GLB1L2: variants seen among roughly 807,000 people sequenced by gnomAD.
The protein encoded by GLB1L2 is beta-galactosidase-1-like protein 2.
In GLB1L2, 68 loss-of-function variants were observed where a neutral mutation model predicts 84.1. The ratio of observed to expected loss-of-function variants is 0.81; its 90% CI spans 0.67 to 0.99. The LOEUF is 0.99. Ranked by LOEUF, GLB1L2 falls within the 50% of genes least tolerant of loss-of-function variation. GLB1L2 has a pLI of 0.00. For synonymous variants in GLB1L2, 290 were observed against 318.0 expected (o/e 0.91, Z 0.94); for missense variants, 762 against 805.6 (o/e 0.95, Z 0.66).
Position 134,347,855 on chromosome 11 carries a change from A to G in GLB1L2, c.558+422A>G, listed in dbSNP as rs370780774. Among the ~76,000 whole-genome samples the G allele has an allele frequency of 3.3e-4, 51 of 152,320 alleles. 1 individual carries two copies. The highest frequency in any genetic ancestry group is 1.1e-3 in the African/African-American group (44 of 41,572). ...CACAGGGTGGAGCACATGTGGATTA[A>G]CCTTTGCCTATAAGACTGCAGGACT... On this transcript the variant is annotated intron_variant, in intron 5 of 18. Transcript: ENST00000535456.
At chr11:134,337,932 A>C (rs1943410518) in intron 1 of GLB1L2, among the ~76,000 whole-genome samples, 1 of 152,208 alleles carries the variant, frequency 6.6e-6, no homozygotes, top group African/African-American at 2.4e-5. Context: ...TCAGATGAAC[A>C]AGTATGTGAA....
At chr11:134,332,177 G>C in intron 1 of GLB1L2, 30 bp downstream of exon 1, 4 of 1,447,432 alleles carry the variant, frequency 2.8e-6, no homozygotes, top group Non-Finnish European at 3.7e-6. Flanking sequence ...AGCACCTGCC[G>C]GACCCCACAT....
At position 134,370,564 on chromosome 11, in the gene GLB1L2, T is replaced by C. The variant is rs545043439; in HGVS notation, c.1215+165T>C. 2.0e-4 allele frequency among the ~76,000 whole-genome samples: 31 copies of C among 152,108 alleles called. No individual in the cohort carries two copies. The highest frequency in any genetic ancestry group is 1.8e-3 in the Admixed American group (28 of 15,290). On this transcript the variant is annotated intron_variant, in intron 12 of 18. Transcript: ENST00000535456. This position sits in a 1 kb window ranked among gnomAD's most constrained non-coding sequence, Gnocchi z 4.7. Reference sequence around the variant, plus strand: ...GTGTGGGGGGAGGCAGGCCAGTGCCTGGTGGCTCTGGGGTCTGCTCTCCGG... The same window carrying C: ...GTGTGGGGGGAGGCAGGCCAGTGCCCGGTGGCTCTGGGGTCTGCTCTCCGG...
In GLB1L2 at chr11:134,342,792, A is replaced by G. The variant is rs1943487409; in HGVS notation, c.125A>G (p.His42Arg). The G allele has an allele frequency of 6.2e-7, 1 of 1,614,010 alleles. No individual in the cohort carries two copies. Among genetic ancestry groups the G allele is most frequent in the Non-Finnish European group, 8.5e-7 (1 of 1,180,008 alleles). Residue 42 changes from histidine to arginine, a missense_variant, in exon 2 of 19, where the codon CAT becomes CGT. This residue lies in a region of GLB1L2 where 100 missense variants were observed against 88.8 expected (regional missense o/e 1.13). Transcript: ENST00000535456. ...ACCCTGGTCCCTCTGCGGCTCCGCC[A>G]TCGACAGCTGGGGCTGCAGGCCAAG... is the stretch of plus-strand genomic sequence containing the variant. ...WSTLVPLRLRHRQLGLQAKGW... is the reference protein window; with the variant it reads ...WSTLVPLRLRRRQLGLQAKGW...
intron 5 of GLB1L2, among the ~76,000 whole-genome samples, chr11:134,351,953 C>G (rs10791356): frequency 0.39 from 59,403 of 151,972 alleles, 13,743 homozygotes; most frequent in Admixed American, 0.52. Context: ...TGTATTCTAC[C>G]TTATAGAATA....
intron 6 of GLB1L2, among the ~76,000 whole-genome samples, chr11:134,358,533 G>C (rs555843768): frequency 6.6e-6 from 1 of 152,274 alleles, no homozygotes; most frequent in Non-Finnish European, 1.5e-5. Context: ...TGCTGTTCTG[G>C]GCATGGGCAG....
In GLB1L2 at chr11:134,364,332, G is replaced by C. The variant is rs745414183; in HGVS notation, c.738G>C (p.Leu246Phe). 6.2e-6 allele frequency: 10 copies of C among 1,613,296 alleles called. No individual in the cohort carries two copies. The highest frequency in any genetic ancestry group is 7.6e-6 in the Non-Finnish European group (9 of 1,179,442). Residue 246 changes from leucine (L) to phenylalanine (F), a missense_variant, in exon 8 of 19, where the codon TTG (leucine) becomes TTC (phenylalanine). Physicochemically the swap from Leu to Phe is conservative, Grantham distance 22. Around this residue, in one of 3 missense-constraint regions of GLB1L2, gnomAD observed 603 missense variants for 611.7 expected, o/e 0.99. Coordinates refer to ENST00000535456, the MANE Select transcript of GLB1L2 (RefSeq NM_001370461.1). Reference sequence around the variant, plus strand: ...CTCTCCTCTTCCCTTTAACAGTCTTGGCCACCATCAACTTGCAGTCAACAC... The same window carrying C: ...CTCTCCTCTTCCCTTTAACAGTCTTCGCCACCATCAACTTGCAGTCAACAC... Reference protein sequence around the residue: ...GLSKGIVQGVLATINLQSTHE... With the variant: ...GLSKGIVQGVFATINLQSTHE...
intron 7 of GLB1L2, chr11:134,361,324 TA>T (rs796631861): frequency 4.6e-4 from 68 of 149,142 alleles, no homozygotes; most frequent in East Asian, 9.8e-4. Context: ...AAAACTCCGT[TA>T]AAAAAAAAAA....
chr11:134,374,770 G>A lies in GLB1L2; in HGVS notation c.1824+52G>A, dbSNP rs772867582. On this transcript the variant is annotated intron_variant, in intron 18 of 18. Coordinates refer to ENST00000535456, the MANE Select transcript of GLB1L2 (RefSeq NM_001370461.1). Reference sequence around the variant, plus strand: ...CCCCATGACGCCCTGCCCACCTGCCGTCCCAGGGAGCCTTCGGTCAGGGTG... The same window carrying A: ...CCCCATGACGCCCTGCCCACCTGCCATCCCAGGGAGCCTTCGGTCAGGGTG... The A allele has an allele frequency of 5.5e-5, 80 of 1,452,186 alleles. 1 individual carries two copies. Among genetic ancestry groups the A allele is most frequent in the East Asian group, 1.1e-4 (5 of 43,984 alleles). 90.0% of individuals were successfully genotyped at this position (1,452,186 alleles called of 1,614,324 possible).
chr11:134,357,701 T>C (rs1943722800), intron 6 of GLB1L2, among the ~76,000 whole-genome samples: 1 of 152,190 alleles, frequency 6.6e-6, no homozygotes, highest in Non-Finnish European at 1.5e-5. Flanking sequence ...CATGTGTGAC[T>C]CAGGTGGGCA....
At chr11:134,371,303 C>T (rs1943949056) in intron 13 of GLB1L2, 118 bp from the exon 14 acceptor site, 1 of 1,215,564 alleles carries the variant, frequency 8.2e-7, no homozygotes, top group Non-Finnish European at 1.2e-6. Context: ...CATGTCTGCT[C>T]TGCCCACTGG....
At chr11:134,340,175 G>T (rs1439732662) in intron 1 of GLB1L2, among the ~76,000 whole-genome samples, 2 of 152,200 alleles carry the variant, frequency 1.3e-5, no homozygotes, top group African/African-American at 4.8e-5. Context: ...GCTTTAATAA[G>T]AATTGGAGAT....
chr11:134,349,800 T>C (rs1264102624), intron 5 of GLB1L2, among the ~76,000 whole-genome samples: 3 of 152,220 alleles, frequency 2.0e-5, no homozygotes, highest in Admixed American at 6.5e-5. Context: ...TTGTTGATTA[T>C]AGGAATTCTT....
At chr11:134,369,656 A>C in intron 10 of GLB1L2, 149 bp from the exon 11 acceptor site, 1 of 633,686 alleles carries the variant, frequency 1.6e-6, no homozygotes, top group Non-Finnish European at 2.8e-6. Flanking sequence ...TCATGTTTAC[A>C]GTATTTTGAC....
intron 5 of GLB1L2, among the ~76,000 whole-genome samples, chr11:134,354,460 A>C (rs1169621157): frequency 6.6e-6 from 1 of 152,006 alleles, no homozygotes; most frequent in Admixed American, 6.5e-5. Context: ...TTATGTGTCT[A>C]TCTTTGCTGG....
chr11:134,349,050 TGTCTATCTCCA>T lies in GLB1L2; in HGVS notation c.558+1621_558+1631del, dbSNP rs1397416366. ...GGAGAACACAGTCTATTGCAACCAC[TGTCTATCTCCA>T]GTCCTTTTCTGTCTTCCCCAATGTA... On this transcript the variant is annotated intron_variant, in intron 5 of 18. Coordinates refer to ENST00000535456, the MANE Select transcript of GLB1L2 (RefSeq NM_001370461.1). Among the ~76,000 whole-genome samples, 14 of 152,324 alleles carry T rather than the reference TGTCTATCTCCA, an allele frequency of 9.2e-5. No homozygotes were observed. In the South Asian group the frequency reaches 2.5e-3, roughly 27 times the overall value.
intron 7 of GLB1L2, among the ~76,000 whole-genome samples, chr11:134,363,355 C>T (rs1483214080): frequency 6.6e-6 from 1 of 152,236 alleles, no homozygotes; most frequent in Non-Finnish European, 1.5e-5. Context: ...GGCTTTCGTC[C>T]TGCAGCAGAG....
chr11:134,335,482 G>A (rs1460760106), intron 1 of GLB1L2, among the ~76,000 whole-genome samples: 1 of 152,146 alleles, frequency 6.6e-6, no homozygotes, highest in Non-Finnish European at 1.5e-5. Flanking sequence ...TCACCTGTTG[G>A]ATACAGGTGT....
At chr11:134,347,040 G>A (rs930939478) in intron 4 of GLB1L2, 16 of 398,790 alleles carry the variant, frequency 4.0e-5, no homozygotes, top group Middle Eastern at 7.1e-4. Context: ...GGAGTCCTGT[G>A]AAAAGCTTTT....
Sources: allele counts gnomAD v4.1 joint callset (sites outside exome capture counted in the v4.1 genomes callset), GRCh38; gene constraint gnomAD v4.1.1; regional missense constraint gnomAD v4.1.1; non-coding constraint Gnocchi (gnomAD v3.1); transcripts MANE v1.5; gene names NCBI Gene and HGNC (gene_info 2026-07-23, HGNC 2026-07-21).